Variants in LTBP1 observed in about 807,000 individuals in gnomAD.
LTBP1 encodes latent transforming growth factor beta binding protein 1.
A neutral mutation model predicts 207.6 loss-of-function variants in LTBP1; 129 were observed. That is an observed-to-expected ratio of 0.62 (90% confidence interval 0.54 to 0.72). The LOEUF (loss-of-function observed/expected upper bound fraction) is 0.72, where lower values mean the gene tolerates loss of function less well. LTBP1 is among the 30% of genes least tolerant of loss of function. The pLI, the probability that LTBP1 is intolerant of heterozygous loss-of-function variation, is 0.00. For missense variants in LTBP1, 2,281 were observed against 2,217.2 expected, an observed-to-expected ratio of 1.03 and a Z score of -0.58; for synonymous variants, 963 against 833.7, an observed-to-expected ratio of 1.16 and a Z score of -2.67.
chr2:33,293,123 C>CT, intron 19 of LTBP1, 37 bp from the exon 20 acceptor site: 1 of 1,592,548 alleles, frequency 6.3e-7, no homozygotes, highest in Non-Finnish European at 8.5e-7. Context: ...TCTTTTTCTT[C>CT]TTTTTTTGTT....
intron 3 of LTBP1, among the ~76,000 whole-genome samples, chr2:33,074,205 G>A (rs1044827850): frequency 5.3e-5 from 8 of 152,208 alleles, no homozygotes; most frequent in Non-Finnish European, 1.2e-4. Flanking sequence ...ATATAAGCTG[G>A]CACTTCATTA....
chr2:33,378,628 G>A (rs985334005), intron 31 of LTBP1, among the ~76,000 whole-genome samples: 4 of 152,174 alleles, frequency 2.6e-5, no homozygotes, highest in Non-Finnish European at 5.9e-5. Flanking sequence ...ACTGTGATGA[G>A]TCTGACTTTG....
intron 32 of LTBP1, among the ~76,000 whole-genome samples, chr2:33,392,519 T>C (rs1411159491): frequency 6.6e-6 from 1 of 152,074 alleles, no homozygotes; most frequent in African/African-American, 2.4e-5. Flanking sequence ...GCAGGTCATG[T>C]GGTTTCTGTT....
chr2:33,388,425 C>G (rs1476540264), intron 31 of LTBP1, among the ~76,000 whole-genome samples: 1 of 152,356 alleles, frequency 6.6e-6, no homozygotes, highest in East Asian at 1.9e-4. Context: ...AAATCAGGTT[C>G]TGCCACATGG....
At chr2:33,359,066 A>T (rs986381235) in intron 26 of LTBP1, among the ~76,000 whole-genome samples, 6 of 152,216 alleles carry the variant, frequency 3.9e-5, no homozygotes, top group Admixed American at 1.3e-4. Context: ...AGAAATCAGC[A>T]TTTGAGTTTT....
At chr2:32,954,895 T>C in intron 2 of LTBP1, among the ~76,000 whole-genome samples, 1 of 151,658 alleles carries the variant, frequency 6.6e-6, no homozygotes, top group Non-Finnish European at 1.5e-5. Context: ...CTCCAGGGGG[T>C]GTTAGGAGAG....
Position 33,215,711 on chromosome 2 carries a change from C to CTTTTTTT in LTBP1, c.1702-1837_1702-1836insTTTTTTT, listed in dbSNP as rs201936680. 1.0e-4 allele frequency among the ~76,000 whole-genome samples: 13 copies of CTTTTTTT among 125,998 alleles called. 4 individuals carry two copies. Among genetic ancestry groups the CTTTTTTT allele is most frequent in the African/African-American group, 1.2e-4 (4 of 33,144 alleles). The allele number at this position is 125,998 out of a possible 152,430, so 82.7% of individuals were successfully genotyped here. On this transcript the variant is annotated intron_variant, in intron 7 of 33. Transcript: ENST00000404816. ...TGGATGCTAAACTTCCATTGGTTTT[C>CTTTTTTT]TTTTGTTTTTTGTTTTTTTTTTTTG...
chr2:33,234,835 C>T (rs1377433818), intron 9 of LTBP1, among the ~76,000 whole-genome samples: 1 of 152,134 alleles, frequency 6.6e-6, no homozygotes, highest in Non-Finnish European at 1.5e-5. Flanking sequence ...TACAAGGCTA[C>T]AGTAACTGTA....
At chr2:33,283,810 G>C (rs958829618) in intron 19 of LTBP1, among the ~76,000 whole-genome samples, 6 of 152,158 alleles carry the variant, frequency 3.9e-5, no homozygotes, top group African/African-American at 1.4e-4. Flanking sequence ...GCCATCTGTA[G>C]AGATGATAAT....
intron 9 of LTBP1, among the ~76,000 whole-genome samples, chr2:33,225,492 G>C (rs1359018230): frequency 6.6e-6 from 1 of 152,186 alleles, no homozygotes; most frequent in Admixed American, 6.5e-5. Flanking sequence ...TTACATGGAT[G>C]GCAGCAGGCA....
chr2:33,188,688 A>G lies in LTBP1; in HGVS notation c.1538A>G (p.Glu513Gly). The change falls in exon 7 of 34, where the codon GAA becomes GGA. Residue 513 changes from glutamate to glycine, a missense_variant. Physicochemically the swap from Glu to Gly is moderately conservative, Grantham distance 98. Around this residue, in one of 3 missense-constraint regions of LTBP1, gnomAD observed 1,671 missense variants for 1,634.8 expected, o/e 1.02. Coordinates refer to ENST00000404816, the MANE Select transcript of LTBP1 (RefSeq NM_206943.4). ...GGCCCAACAGGCCAGAAGACAAAAGAAGCTCAACCAGGCCAATCCCAAGTC... is the reference window on the plus strand; with the variant it reads ...GGCCCAACAGGCCAGAAGACAAAAGGAGCTCAACCAGGCCAATCCCAAGTC... ...IDGPTGQKTK[E>G]AQPGQSQVSY... is the part of the protein sequence containing the mutation. 6.2e-7 allele frequency: 1 copy of G among 1,614,154 alleles called. No individual in the cohort carries two copies. The highest frequency in any genetic ancestry group is 1.1e-5 in the South Asian group (1 of 91,088).
chr2:33,131,615 G>GT (rs1370479909), intron 4 of LTBP1, among the ~76,000 whole-genome samples: 1 of 152,198 alleles, frequency 6.6e-6, no homozygotes, highest in Non-Finnish European at 1.5e-5. Context: ...TAATGAAGAA[G>GT]TAAGTGCTTC....
intron 10 of LTBP1, among the ~76,000 whole-genome samples, chr2:33,251,079 T>G (rs566220984): frequency 1.1e-4 from 17 of 152,278 alleles, no homozygotes; most frequent in African/African-American, 3.9e-4. Context: ...CCAATGCCAG[T>G]GTACGCTGCC....
At chr2:33,009,402 C>T (rs958044686) in intron 2 of LTBP1, among the ~76,000 whole-genome samples, 1 of 152,134 alleles carries the variant, frequency 6.6e-6, no homozygotes, top group East Asian at 1.9e-4. Context: ...AGGGTCCTTG[C>T]AGATGTAATT....
chr2:33,112,067 C>T (rs118207), intron 4 of LTBP1, among the ~76,000 whole-genome samples: 59,048 of 151,944 alleles, frequency 0.39, 11,956 homozygotes, highest in South Asian at 0.49. Context: ...GGGTTTTATA[C>T]AGATGACAAT....
chr2:33,373,822 A>C (rs12328065), intron 31 of LTBP1, among the ~76,000 whole-genome samples: 19,871 of 152,180 alleles, frequency 0.13, 1,496 homozygotes, highest in African/African-American at 0.19. Flanking sequence ...TGAAATGCAT[A>C]ATTAGTATAA....
At chr2:33,351,467 TAGAAAATTGGCAAATACA>T (rs1340735452) in intron 26 of LTBP1, among the ~76,000 whole-genome samples, 1 of 152,252 alleles carries the variant, frequency 6.6e-6, no homozygotes, top group Non-Finnish European at 1.5e-5. Context: ...ACATTAATCA[TAGAAAATTGGCAAATACA>T]AAGGTAAATT....
chr2:32,947,535 GC>G lies in LTBP1; in HGVS notation c.216del (p.Ser73AlafsTer149). 6 of 1,388,568 alleles carry G rather than the reference GC, an allele frequency of 4.3e-6. No homozygotes were observed. Among genetic ancestry groups the G allele is most frequent in the Admixed American group, 3.2e-5 (1 of 31,122 alleles). The allele number at this position is 1,388,568 out of a possible 1,614,324, so 86.0% of individuals were successfully genotyped here. ...CAGCCGCAGCTCGGCGGCTGCCGGC[GC>G]CCCCAGCCGTGCCTCCCCCGGGGTC... ...RYSRSSAAAGAPSRASPGVPS... is the reference protein window; with the variant it reads ...RYSRSSAAAGXPSRASPGVPS... On this transcript the variant is annotated frameshift_variant, in exon 1 of 34. Transcript: ENST00000404816. LOFTEE classifies it high-confidence loss of function.
chr2:33,035,659 A>G (rs964408443), intron 3 of LTBP1, among the ~76,000 whole-genome samples: 1 of 152,254 alleles, frequency 6.6e-6, no homozygotes, highest in Non-Finnish European at 1.5e-5. Context: ...GTCTACAAAT[A>G]TTTAACACTT....
Sources: allele counts gnomAD v4.1 joint callset (sites outside exome capture counted in the v4.1 genomes callset), GRCh38; gene constraint gnomAD v4.1.1; regional missense constraint gnomAD v4.1.1; transcripts MANE v1.5; gene names NCBI Gene and HGNC (gene_info 2026-07-23, HGNC 2026-07-21).